The following ZBTB20 variants were observed in gnomAD, a reference collection of about 807,000 sequenced individuals.
The protein encoded by ZBTB20 is zinc finger and BTB domain containing 20.
A neutral mutation model predicts 56.9 loss-of-function variants in ZBTB20; 9 were observed. That is an observed-to-expected ratio of 0.16 (90% CI 0.10 to 0.28). ZBTB20 has a LOEUF of 0.28. Among genes scored for constraint, ZBTB20 ranks in the 10% least tolerant of loss-of-function variants. The pLI is 1.00. For synonymous variants in ZBTB20, 417 were observed against 420.7 expected (o/e 0.99, Z 0.11); for missense variants, 655 against 1,003.0 (o/e 0.65, Z 4.69).
intron 1 of ZBTB20, among the ~76,000 whole-genome samples, chr3:115,126,879 G>A (rs1416664902): frequency 9.2e-5 from 14 of 152,194 alleles, no homozygotes; most frequent in South Asian, 8.3e-4. Flanking sequence ...AATAACAAAC[G>A]AATGAATGAA....
At chr3:114,871,260 T>C (rs1162923659) in intron 4 of ZBTB20, among the ~76,000 whole-genome samples, 1 of 152,108 alleles carries the variant, frequency 6.6e-6, no homozygotes, top group Non-Finnish European at 1.5e-5. Flanking sequence ...ACTTCCTACA[T>C]AGAGGGTAGA....
intron 6 of ZBTB20, among the ~76,000 whole-genome samples, chr3:114,636,718 T>C (rs1344314439): frequency 6.6e-6 from 1 of 151,786 alleles, no homozygotes; most frequent in Admixed American, 6.6e-5. Flanking sequence ...CTACAAAAGA[T>C]AATCAAATCA....
At chr3:114,722,418 A>T (rs1360111876) in intron 5 of ZBTB20, among the ~76,000 whole-genome samples, 1 of 152,190 alleles carries the variant, frequency 6.6e-6, no homozygotes, top group African/African-American at 2.4e-5. Flanking sequence ...ACAAAACCAC[A>T]TGAAGACCTA....
chr3:114,884,155 G>A (rs990112690), intron 4 of ZBTB20, among the ~76,000 whole-genome samples: 2 of 151,282 alleles, frequency 1.3e-5, no homozygotes, highest in Admixed American at 6.6e-5. Context: ...TCGATCTCCT[G>A]ACCTCGTGAT....
chr3:115,127,374 G>C (rs2084363255), intron 1 of ZBTB20, among the ~76,000 whole-genome samples: 1 of 152,190 alleles, frequency 6.6e-6, no homozygotes, highest in Non-Finnish European at 1.5e-5. Flanking sequence ...CAGATCACTT[G>C]AGGTTAAGAG....
intron 4 of ZBTB20, among the ~76,000 whole-genome samples, chr3:114,898,471 T>C (rs2074977360): frequency 6.6e-6 from 1 of 152,186 alleles, no homozygotes; most frequent in South Asian, 2.1e-4. Context: ...ATCAGTATTC[T>C]CATATCTATG....
intron 5 of ZBTB20, among the ~76,000 whole-genome samples, chr3:114,727,515 C>G (rs1205565526): frequency 6.6e-6 from 1 of 152,240 alleles, no homozygotes; most frequent in Non-Finnish European, 1.5e-5. Flanking sequence ...GCTTCAAAAT[C>G]TTTCTCCAAA....
chr3:114,570,199 TA>T (rs1474769291), intron 6 of ZBTB20, among the ~76,000 whole-genome samples: 1 of 150,964 alleles, frequency 6.6e-6, no homozygotes, highest in Non-Finnish European at 1.5e-5. Context: ...GTGACTTGTG[TA>T]AATAACCTCT....
At chr3:114,587,373 A>G (rs1490816779) in intron 6 of ZBTB20, among the ~76,000 whole-genome samples, 1 of 152,186 alleles carries the variant, frequency 6.6e-6, no homozygotes, top group Non-Finnish European at 1.5e-5. Flanking sequence ...TATCTGGGGA[A>G]GCAAGTCAAA....
At chr3:114,527,149 T>C (rs929968979) in intron 6 of ZBTB20, 1 of 152,258 alleles carries the variant, frequency 6.6e-6, no homozygotes. Flanking sequence ...ATGAGCCACA[T>C]TTAACTTTAA....
chr3:114,655,729 G>C (rs1411377016), intron 6 of ZBTB20, among the ~76,000 whole-genome samples: 2 of 152,056 alleles, frequency 1.3e-5, no homozygotes, highest in African/African-American at 4.8e-5. Context: ...ATGCAAATGT[G>C]AGTATCTTAT....
intron 6 of ZBTB20, among the ~76,000 whole-genome samples, chr3:114,608,250 CT>C (rs2057314150): frequency 2.0e-5 from 3 of 152,168 alleles, no homozygotes; most frequent in African/African-American, 7.2e-5. Flanking sequence ...TATAGGATCA[CT>C]TTTATATGAG....
chr3:114,571,219 C>A (rs1051734821), intron 6 of ZBTB20, among the ~76,000 whole-genome samples: 2 of 152,170 alleles, frequency 1.3e-5, no homozygotes, highest in Non-Finnish European at 2.9e-5. Flanking sequence ...TGTGCAAATG[C>A]ATTGACTAAA....
In ZBTB20 at chr3:114,323,099, G is replaced by A. The variant is rs1261754753; in HGVS notation, c.*15906C>T. On this transcript the variant is annotated 3_prime_UTR_variant, in exon 12 of 12. Transcript: ENST00000675478. ...CCACACAATCTATTGCTTATCCTGT[G>A]ATGAAAGATTCTTTTATTAACAGTT... 1 of 152,116 alleles carries A rather than the reference G, an allele frequency of 6.6e-6. No individual in the cohort carries two copies. Among genetic ancestry groups the A allele is most frequent in the African/African-American group, 2.4e-5 (1 of 41,424 alleles). 9.4% of individuals were successfully genotyped at this position (152,116 alleles called of 1,614,324 possible). A position where few individuals can be genotyped will look rare whatever the true frequency, so the allele number is the denominator to read the frequency against.
intron 3 of ZBTB20, chr3:114,930,907 G>T: frequency 4.6e-6 from 1 of 217,418 alleles, no homozygotes. Flanking sequence ...GTTGATAGCA[G>T]TAAGTATGCA....
intron 7 of ZBTB20, among the ~76,000 whole-genome samples, chr3:114,390,214 T>C (rs572505462): frequency 1.3e-5 from 2 of 152,192 alleles, no homozygotes; most frequent in Non-Finnish European, 2.9e-5. Context: ...AAAAGCCTAT[T>C]TTTTCCCCAT....
intron 5 of ZBTB20, among the ~76,000 whole-genome samples, chr3:114,751,502 T>G (rs1000172918): frequency 3.3e-5 from 5 of 152,138 alleles, no homozygotes; most frequent in Admixed American, 2.6e-4. Flanking sequence ...CCTGCTAGGA[T>G]AGTTATCTTT....
Position 114,527,992 on chromosome 3 carries a change from A to ATT in ZBTB20, c.-294-27603_-294-27602dup, listed in dbSNP as rs35884469. On this transcript the variant is annotated intron_variant, in intron 6 of 11. Coordinates refer to ENST00000675478, the MANE Select transcript of ZBTB20 (RefSeq NM_001348800.3). ...GATAGATTGTGTCTTTCCCTTCATA[A>ATT]TTTTTTTTTTTTTTTGGTTACTAGA... Among the ~76,000 whole-genome samples, 119 of 142,488 alleles carry ATT rather than the reference A, an allele frequency of 8.4e-4. 1 individual carries two copies. Among genetic ancestry groups the ATT allele is most frequent in the African/African-American group, 2.7e-3 (106 of 39,006 alleles). 93.5% of individuals were successfully genotyped at this position (142,488 alleles called of 152,430 possible).
chr3:114,850,542 C>T (rs1332719670), intron 4 of ZBTB20, among the ~76,000 whole-genome samples: 1 of 152,162 alleles, frequency 6.6e-6, no homozygotes, highest in Non-Finnish European at 1.5e-5. Flanking sequence ...ACAGTGATTA[C>T]TATTATTTTC....
Sources: allele counts gnomAD v4.1 joint callset (sites outside exome capture counted in the v4.1 genomes callset), GRCh38; gene constraint gnomAD v4.1.1; transcripts MANE v1.5; gene names NCBI Gene and HGNC (gene_info 2026-07-23, HGNC 2026-07-21).